Variants in SCARA3 observed in about 807,000 individuals in gnomAD.
The protein encoded by SCARA3 is cellular stress response gene protein.
A neutral mutation model predicts 47.0 loss-of-function variants in SCARA3; 39 were observed. That is an observed-to-expected ratio of 0.83 (90% CI 0.64 to 1.08). SCARA3 has a LOEUF of 1.08. Among genes scored for constraint, SCARA3 ranks in the 50% least tolerant of loss-of-function variants. The pLI is 0.00. For synonymous variants in SCARA3, 356 were observed against 334.1 expected (o/e 1.07, Z -0.71); for missense variants, 724 against 792.3 (o/e 0.91, Z 1.04).
chr8:27,679,568 TA>T (rs1223678234), downstream of SCARA3, among the ~76,000 whole-genome samples: 2 of 152,182 alleles, frequency 1.3e-5, no homozygotes, highest in African/African-American at 2.4e-5. Context: ...TCAAGTAGGC[TA>T]AAAAAATCTA....
At chr8:27,684,987 G>T in the SCARA3 span, among the ~76,000 whole-genome samples, 1 of 152,056 alleles carries the variant, frequency 6.6e-6, no homozygotes, top group African/African-American at 2.4e-5. Context: ...AATAATAAAG[G>T]GTAGAAATCA....
intron 5 of SCARA3, among the ~76,000 whole-genome samples, chr8:27,666,460 C>T (rs1802017353): frequency 6.6e-6 from 1 of 152,172 alleles, no homozygotes; most frequent in Non-Finnish European, 1.5e-5. Flanking sequence ...AAGCAGAAGT[C>T]GAAGCCCATG....
chr8:27,658,645 G>A lies in SCARA3; in HGVS notation c.475G>A (p.Val159Met), dbSNP rs1333849624. Reference protein sequence around the residue: ...QLDQTLQAQEVLSTTSRQISQ... With the variant: ...QLDQTLQAQEMLSTTSRQISQ... ...GGACCAGACCTTACAGGCCCAGGAG[G>A]TGCTCTCCACCACCAGCAGACAAAT... The change falls in exon 5 of 6, where the codon GTG becomes ATG. Residue 159 changes from valine (V) to methionine (M), a missense_variant. Val to Met is a conservative substitution (Grantham distance 21). Transcript: ENST00000301904. 6.2e-7 allele frequency: 1 copy of A among 1,614,132 alleles called. No individual in the cohort carries two copies.
At chr8:27,697,757 A>G in the SCARA3 span, among the ~76,000 whole-genome samples, 4 of 152,176 alleles carry the variant, frequency 2.6e-5, no homozygotes, top group African/African-American at 9.7e-5. Flanking sequence ...TGATGGTTTT[A>G]TAAGGGGAAA....
intron 5 of SCARA3, among the ~76,000 whole-genome samples, chr8:27,664,365 C>G (rs771931269): frequency 6.6e-6 from 1 of 152,178 alleles, no homozygotes; most frequent in Non-Finnish European, 1.5e-5. Flanking sequence ...TCACGACAAC[C>G]CTTGCATGGT....
intron 1 of SCARA3, among the ~76,000 whole-genome samples, chr8:27,639,978 G>A (rs1801348451): frequency 6.6e-6 from 1 of 152,052 alleles, no homozygotes. Flanking sequence ...TAGAGTGGGA[G>A]GCAGGGCCCA....
At chr8:27,659,725 C>G (rs1801850828) in intron 5 of SCARA3, among the ~76,000 whole-genome samples, 186 bp downstream of exon 5, 1 of 151,790 alleles carries the variant, frequency 6.6e-6, no homozygotes, top group African/African-American at 2.4e-5. Flanking sequence ...TGGTGTGTAC[C>G]TATACTCCTA....
intron 3 of SCARA3, among the ~76,000 whole-genome samples, chr8:27,652,627 C>T (rs978488132): frequency 1.3e-5 from 2 of 152,216 alleles, no homozygotes; most frequent in Non-Finnish European, 2.9e-5. Context: ...AAGAGGCCAG[C>T]ATACTAATGA....
intron 1 of SCARA3, among the ~76,000 whole-genome samples, chr8:27,644,512 G>A (rs1320020229): frequency 6.6e-6 from 1 of 152,000 alleles, no homozygotes; most frequent in Non-Finnish European, 1.5e-5. Flanking sequence ...TTTCCCATAG[G>A]TTTTTAGGTC....
chr8:27,634,013 G>A lies in SCARA3; in HGVS notation c.-188G>A. On this transcript the variant is annotated 5_prime_UTR_variant, in exon 1 of 6. Coordinates refer to ENST00000301904, the MANE Select transcript of SCARA3 (RefSeq NM_016240.3). ...GGCTTCCCCAGGCTGCGACCCCGCGGGACCCTCCACTCCTCCCGCCGCCTC... is the reference window on the plus strand; with the variant it reads ...GGCTTCCCCAGGCTGCGACCCCGCGAGACCCTCCACTCCTCCCGCCGCCTC... The A allele has an allele frequency of 2.8e-6, 1 of 351,294 alleles. No homozygotes were observed. Among genetic ancestry groups the A allele is most frequent in the East Asian group, 4.6e-5 (1 of 21,548 alleles). 21.8% of individuals were successfully genotyped at this position (351,294 alleles called of 1,614,324 possible).
chr8:27,733,155 CT>C, the SCARA3 span, among the ~76,000 whole-genome samples: 1 of 152,140 alleles, frequency 6.6e-6, no homozygotes, highest in Non-Finnish European at 1.5e-5. Flanking sequence ...CTAGGATTTG[CT>C]CCTCTCCTCC....
intron 5 of SCARA3, among the ~76,000 whole-genome samples, chr8:27,665,335 A>G (rs1420312003): frequency 2.0e-5 from 3 of 152,222 alleles, no homozygotes; most frequent in Non-Finnish European, 2.9e-5. Flanking sequence ...TTTACTCAAC[A>G]GAAAGACTGT....
At chr8:27,674,377 G>A (rs1300143392), downstream of SCARA3, among the ~76,000 whole-genome samples, 1 of 152,152 alleles carries the variant, frequency 6.6e-6, no homozygotes, top group Non-Finnish European at 1.5e-5. Context: ...CTGCCCTGCT[G>A]GCCCTTCATC....
chr8:27,719,719 T>C, the SCARA3 span, among the ~76,000 whole-genome samples: 2 of 152,164 alleles, frequency 1.3e-5, no homozygotes, highest in Non-Finnish European at 2.9e-5. Context: ...CTATTATTTA[T>C]TCCCCTATGC....
At chr8:27,638,245 C>T (rs1801299159) in intron 1 of SCARA3, among the ~76,000 whole-genome samples, 2 of 151,932 alleles carry the variant, frequency 1.3e-5, no homozygotes, top group South Asian at 2.1e-4. Context: ...AATTGATGTA[C>T]AGGGTGGCAT....
At chr8:27,701,879 G>A in the SCARA3 span, 1 of 154,420 alleles carries the variant, frequency 6.5e-6, no homozygotes, top group African/African-American at 2.4e-5. Context: ...CCTGAGCTAA[G>A]GGATGTTCAG....
intron 1 of SCARA3, among the ~76,000 whole-genome samples, chr8:27,636,947 A>T (rs1801266170): frequency 6.6e-6 from 1 of 152,240 alleles, no homozygotes; most frequent in Non-Finnish European, 1.5e-5. Flanking sequence ...TGCCCGGCAG[A>T]GTAGGGCAGG....
In SCARA3 at chr8:27,672,675, C is replaced by A; in HGVS notation, c.*1324C>A. 1.0e-6 allele frequency: 1 copy of A among 985,624 alleles called. No individual in the cohort carries two copies. Among genetic ancestry groups the A allele is most frequent in the Non-Finnish European group, 1.2e-6 (1 of 830,080 alleles). The allele number at this position is 985,624 out of a possible 1,614,324, so 61.1% of individuals were successfully genotyped here. A position where few individuals can be genotyped will look rare whatever the true frequency, so the allele number is the denominator to read the frequency against. The stretch of plus-strand genomic sequence containing the variant: ...CTCTGTCATCACTCCTTGGCACCCA[C>A]CAACTTCCTGCACACACTGGCAGAG... On this transcript the variant is annotated 3_prime_UTR_variant, in exon 6 of 6. Coordinates refer to ENST00000301904, the MANE Select transcript of SCARA3 (RefSeq NM_016240.3).
At chr8:27,724,014 G>C in the SCARA3 span, among the ~76,000 whole-genome samples, 3 of 152,196 alleles carry the variant, frequency 2.0e-5, no homozygotes, top group Admixed American at 2.0e-4. Context: ...GGGATTATAG[G>C]CGCAAGCCAC....
Sources: allele counts gnomAD v4.1 joint callset (sites outside exome capture counted in the v4.1 genomes callset), GRCh38; gene constraint gnomAD v4.1.1; transcripts MANE v1.5; gene names NCBI Gene and HGNC (gene_info 2026-07-23, HGNC 2026-07-21).